PCDH15: variants seen among roughly 807,000 people sequenced by gnomAD.
The protein encoded by PCDH15 is protocadherin related 15, also known as protocadherin-15.
PCDH15 carries 129 observed loss-of-function variants against 178.5 expected under a neutral mutation model. The observed-to-expected ratio is 0.72, with a 90% CI of 0.63 to 0.84. The LOEUF is 0.84. Among genes scored for constraint, PCDH15 ranks in the 40% least tolerant of loss-of-function variants. PCDH15 has a pLI of 0.00. For missense variants in PCDH15, 2,230 were observed against 2,099.9 expected, an observed-to-expected ratio of 1.06 and a Z score of -1.21; for synonymous variants, 800 against 732.0, an observed-to-expected ratio of 1.09 and a Z score of -1.50.
intron 1 of PCDH15, among the ~76,000 whole-genome samples, chr10:54,713,685 A>G (rs913674683): frequency 1.2e-4 from 18 of 152,122 alleles, no homozygotes; most frequent in African/African-American, 4.8e-5. Context: ...ACAAAGCTCT[A>G]AGAACATTTT....
At chr10:55,197,647 G>A (rs1253303946) in intron 1 of PCDH15, among the ~76,000 whole-genome samples, 1 of 152,036 alleles carries the variant, frequency 6.6e-6, no homozygotes, top group Non-Finnish European at 1.5e-5. Flanking sequence ...ATAGAAGCAG[G>A]TGGAAATAAC....
At chr10:54,532,084 G>A (rs2083986717) in intron 2 of PCDH15, among the ~76,000 whole-genome samples, 3 of 152,088 alleles carry the variant, frequency 2.0e-5, no homozygotes, top group Admixed American at 6.6e-5. Context: ...GGCTAATCTT[G>A]TCTCTTACCT....
At chr10:54,732,068 A>T (rs1222382363) in intron 1 of PCDH15, among the ~76,000 whole-genome samples, 2 of 150,964 alleles carry the variant, frequency 1.3e-5, no homozygotes, top group African/African-American at 4.9e-5. Flanking sequence ...ATGTACATCT[A>T]TTATGAATCA....
chr10:53,993,735 C>A (rs2091672607), intron 21 of PCDH15, among the ~76,000 whole-genome samples: 1 of 152,022 alleles, frequency 6.6e-6, no homozygotes, highest in African/African-American at 2.4e-5. Context: ...CGTGTAGGTG[C>A]AACCAAATTG....
chr10:54,484,973 A>T (rs1328790600), intron 3 of PCDH15, among the ~76,000 whole-genome samples: 1 of 151,912 alleles, frequency 6.6e-6, no homozygotes, highest in Non-Finnish European at 1.5e-5. Context: ...CAAGTCAAAC[A>T]TCTTAGATCT....
intron 2 of PCDH15, among the ~76,000 whole-genome samples, chr10:54,948,818 T>C (rs1192213802): frequency 1.3e-5 from 2 of 151,940 alleles, no homozygotes; most frequent in Non-Finnish European, 2.9e-5. Flanking sequence ...ATGATTAAAA[T>C]GTCAATATCA....
intron 3 of PCDH15, among the ~76,000 whole-genome samples, chr10:54,832,260 C>T (rs911807968): frequency 5.3e-5 from 8 of 152,054 alleles, no homozygotes; most frequent in Non-Finnish European, 1.2e-4. Context: ...TACTGCCCAT[C>T]CGAATCAGTC....
intron 3 of PCDH15, among the ~76,000 whole-genome samples, chr10:54,405,072 A>C (rs531604649): frequency 6.6e-6 from 1 of 152,198 alleles, no homozygotes; most frequent in South Asian, 2.1e-4. Context: ...AATTAGTCCA[A>C]CCACTGTGGA....
At chr10:55,084,480 A>G (rs947649146) in intron 2 of PCDH15, among the ~76,000 whole-genome samples, 1 of 151,766 alleles carries the variant, frequency 6.6e-6, no homozygotes, top group African/African-American at 2.4e-5. Context: ...AAACTAAAAG[A>G]AAACTTTTGG....
chr10:55,562,564 G>T (rs1212142093), intron 2 of PCDH15, among the ~76,000 whole-genome samples: 1 of 151,944 alleles, frequency 6.6e-6, no homozygotes, highest in African/African-American at 2.4e-5. Context: ...ATAAACTCCA[G>T]TGTCCACGTG....
intron 2 of PCDH15, among the ~76,000 whole-genome samples, chr10:54,975,035 T>C (rs549407300): frequency 1.9e-4 from 29 of 152,310 alleles, no homozygotes; most frequent in African/African-American, 7.0e-4. Context: ...CTAGCTTTTC[T>C]ATTGGACACA....
chr10:54,074,540 C>T (rs942065928), intron 17 of PCDH15, among the ~76,000 whole-genome samples: 2 of 152,000 alleles, frequency 1.3e-5, no homozygotes, highest in Admixed American at 6.6e-5. Flanking sequence ...ATCTTAAGGC[C>T]GAATGATATT....
intron 2 of PCDH15, among the ~76,000 whole-genome samples, chr10:55,109,095 G>C: frequency 6.6e-6 from 1 of 152,136 alleles, no homozygotes. Context: ...TAATACTCCA[G>C]AACACTCACC....
intron 3 of PCDH15, among the ~76,000 whole-genome samples, chr10:54,437,283 C>A (rs2075486353): frequency 6.6e-6 from 1 of 152,128 alleles, no homozygotes; most frequent in Non-Finnish European, 1.5e-5. Flanking sequence ...CACTAATTAA[C>A]AACAATGGGA....
intron 1 of PCDH15, among the ~76,000 whole-genome samples, chr10:55,284,420 A>G (rs886287796): frequency 6.6e-6 from 1 of 152,070 alleles, no homozygotes; most frequent in East Asian, 1.9e-4. Flanking sequence ...TTGAAAATTA[A>G]AAAAATAAGT....
intron 9 of PCDH15, among the ~76,000 whole-genome samples, chr10:54,227,709 T>G (rs1275022502): frequency 6.6e-6 from 1 of 152,230 alleles, no homozygotes; most frequent in African/African-American, 2.4e-5. Flanking sequence ...ATGCTCTGTT[T>G]CCCTAATAAA....
chr10:55,158,934 C>A (rs1838977091), intron 2 of PCDH15, among the ~76,000 whole-genome samples: 1 of 90,132 alleles, frequency 1.1e-5, no homozygotes, highest in Admixed American at 1.3e-4. Context: ...CAGAGAAGTG[C>A]TAAAGTGTTT....
intron 33 of PCDH15, among the ~76,000 whole-genome samples, chr10:53,818,606 A>G (rs867736101): frequency 6.6e-6 from 1 of 152,128 alleles, no homozygotes; most frequent in African/African-American, 2.4e-5. Context: ...TCAATATTAC[A>G]TAAAGATTTA....
chr10:55,567,580 T>C (rs1403298899), intron 2 of PCDH15, among the ~76,000 whole-genome samples: 1 of 151,842 alleles, frequency 6.6e-6, no homozygotes, highest in Admixed American at 6.6e-5. Context: ...AGAGCACTCC[T>C]AAAGCTCAAT....
Sources: gnomAD v4.1 joint callset for allele counts (sites outside exome capture counted in the v4.1 genomes callset) on GRCh38, gnomAD v4.1.1 for gene constraint, MANE v1.5 for transcripts, NCBI Gene and HGNC (gene_info 2026-07-23, HGNC 2026-07-21) for gene names.